Variants in CA10 observed in about 807,000 individuals in gnomAD.
The protein encoded by CA10 is carbonic anhydrase-related protein 10.
In CA10, 14 loss-of-function variants were observed where a neutral mutation model predicts 44.2. The observed-to-expected ratio is 0.32, with a 90% CI of 0.21 to 0.50. CA10 has a LOEUF of 0.50. CA10 is among the 20% of genes least tolerant of loss of function. CA10 has a pLI of 0.99. For missense variants in CA10, 350 were observed against 409.7 expected (o/e 0.85, Z 1.26); for synonymous variants, 159 against 141.6 (o/e 1.12, Z -0.87).
At chr17:52,058,483 A>T (rs1295175034) in intron 2 of CA10, among the ~76,000 whole-genome samples, 3 of 152,096 alleles carry the variant, frequency 2.0e-5, no homozygotes, top group Non-Finnish European at 4.4e-5. Context: ...AACACAATGG[A>T]GTGGGATCCA....
intron 2 of CA10, among the ~76,000 whole-genome samples, chr17:52,048,124 G>GA (rs1338906665): frequency 5.3e-5 from 8 of 151,848 alleles, no homozygotes; most frequent in East Asian, 3.9e-4. Flanking sequence ...CAAACTGGGG[G>GA]AAAAAATGTC....
At chr17:52,035,434 A>T (rs1488776305) in intron 2 of CA10, among the ~76,000 whole-genome samples, 1 of 152,132 alleles carries the variant, frequency 6.6e-6, no homozygotes, top group Non-Finnish European at 1.5e-5. Context: ...CCATTCTTCA[A>T]TTTGTGTGAC....
chr17:52,041,996 A>G (rs977725058), intron 2 of CA10, among the ~76,000 whole-genome samples: 1 of 152,046 alleles, frequency 6.6e-6, no homozygotes, highest in African/African-American at 2.4e-5. Context: ...CCATTCATCC[A>G]TCAATGGACA....
At chr17:51,991,783 T>G (rs2144104639) in intron 2 of CA10, among the ~76,000 whole-genome samples, 1 of 152,268 alleles carries the variant, frequency 6.6e-6, no homozygotes, top group East Asian at 1.9e-4. Context: ...CACTCCAGAC[T>G]GGGCAACAAG....
intron 4 of CA10, among the ~76,000 whole-genome samples, chr17:51,747,089 G>A (rs1469587616): frequency 6.6e-6 from 1 of 152,150 alleles, no homozygotes; most frequent in Non-Finnish European, 1.5e-5. Context: ...CTGTGGTTGG[G>A]CTCTCTGCTG....
chr17:51,729,324 G>C (rs1396057469), intron 4 of CA10, among the ~76,000 whole-genome samples: 2 of 151,882 alleles, frequency 1.3e-5, no homozygotes, highest in African/African-American at 4.8e-5. Flanking sequence ...CATCTTTTCA[G>C]ATGCTTAAAC....
intron 3 of CA10, among the ~76,000 whole-genome samples, chr17:51,891,630 A>G (rs141424705): frequency 2.9e-4 from 44 of 152,370 alleles, no homozygotes; most frequent in Non-Finnish European, 5.7e-4. Context: ...AAAAATAGAC[A>G]GTGGTTTACA....
At position 52,126,196 on chromosome 17, in the gene CA10, G is replaced by T. The variant is rs574996084; in HGVS notation, c.61+31530C>A. On this transcript the variant is annotated intron_variant, in intron 1 of 8. Coordinates refer to ENST00000451037, the MANE Select transcript of CA10 (RefSeq NM_020178.5). ...CTGTTAAAGCTCTCTGAAACTAAATGTTATAAAATAACATTCTAAAATGGT... is the reference window on the plus strand; with the variant it reads ...CTGTTAAAGCTCTCTGAAACTAAATTTTATAAAATAACATTCTAAAATGGT... Among the ~76,000 whole-genome samples, 23 of 152,250 alleles carry T rather than the reference G, an allele frequency of 1.5e-4. No individual in the cohort carries two copies. In the South Asian group the frequency reaches 4.8e-3, roughly 32 times the overall value.
chr17:52,141,974 C>T (rs964715130), intron 1 of CA10, among the ~76,000 whole-genome samples: 5 of 152,100 alleles, frequency 3.3e-5, no homozygotes, highest in African/African-American at 4.8e-5. Context: ...CAAGAAGAGC[C>T]GATGGGGCAT....
At chr17:52,006,562 TTA>T (rs1264884567) in intron 2 of CA10, among the ~76,000 whole-genome samples, 2 of 151,700 alleles carry the variant, frequency 1.3e-5, no homozygotes, top group African/African-American at 4.8e-5. Flanking sequence ...CAAAGCTGTT[TTA>T]TATCCTTTCT....
At chr17:51,683,504 C>T (rs1461318771) in intron 4 of CA10, among the ~76,000 whole-genome samples, 1 of 152,198 alleles carries the variant, frequency 6.6e-6, no homozygotes, top group African/African-American at 2.4e-5. Flanking sequence ...AATGGTAAAG[C>T]CGCCTGTGAG....
At chr17:52,103,442 C>T (rs1988587234) in intron 1 of CA10, among the ~76,000 whole-genome samples, 1 of 152,180 alleles carries the variant, frequency 6.6e-6, no homozygotes, top group Non-Finnish European at 1.5e-5. Flanking sequence ...TGCTTGTCAC[C>T]TGAATCTCAT....
intron 2 of CA10, among the ~76,000 whole-genome samples, chr17:51,972,538 G>C (rs997792001): frequency 2.6e-5 from 4 of 151,998 alleles, no homozygotes; most frequent in African/African-American, 7.3e-5. Flanking sequence ...AAGACTCCTG[G>C]TCTTAGAGGA....
chr17:51,703,674 C>T (rs924371229), intron 4 of CA10, among the ~76,000 whole-genome samples: 4 of 152,170 alleles, frequency 2.6e-5, no homozygotes, highest in African/African-American at 9.7e-5. Flanking sequence ...GTGCGATGTA[C>T]AAGAGTCGTG....
intron 1 of CA10, among the ~76,000 whole-genome samples, chr17:52,094,133 G>A (rs1161257600): frequency 1.3e-5 from 2 of 152,074 alleles, no homozygotes; most frequent in East Asian, 3.9e-4. Flanking sequence ...ATCACACACT[G>A]GAGCCTGCGG....
chr17:51,707,669 A>ATGTGTGTGTGTG (rs1491192056), intron 4 of CA10, among the ~76,000 whole-genome samples: 888 of 39,768 alleles, frequency 0.022, 7 homozygotes, highest in African/African-American at 0.056. Flanking sequence ...AAGTGGATGA[A>ATGTGTGTGTGTG]TATGTGTGTG....
intron 3 of CA10, among the ~76,000 whole-genome samples, chr17:51,917,869 G>A (rs565559657): frequency 1.3e-5 from 2 of 152,128 alleles, no homozygotes; most frequent in African/African-American, 4.8e-5. Flanking sequence ...TCAGGCTATG[G>A]TTGGACTCCA....
At chr17:51,990,642 C>G (rs1283749250) in intron 2 of CA10, among the ~76,000 whole-genome samples, 1 of 152,074 alleles carries the variant, frequency 6.6e-6, no homozygotes, top group Non-Finnish European at 1.5e-5. Flanking sequence ...TCTTTTCATT[C>G]TAATCAATCT....
intron 3 of CA10, among the ~76,000 whole-genome samples, chr17:51,841,072 T>C (rs1014639288): frequency 1.3e-5 from 2 of 152,188 alleles, no homozygotes; most frequent in East Asian, 3.9e-4. Context: ...AGGATCCTGC[T>C]TTCCTGGAGA....
Sources: allele counts gnomAD v4.1 joint callset (sites outside exome capture counted in the v4.1 genomes callset), GRCh38; gene constraint gnomAD v4.1.1; transcripts MANE v1.5; gene names NCBI Gene and HGNC (gene_info 2026-07-23, HGNC 2026-07-21).